PARD3B: variants seen among roughly 807,000 people sequenced by gnomAD.
PARD3B encodes partitioning defective 3 homolog B.
Under a neutral mutation model 130.2 loss-of-function variants are expected in PARD3B, and 103 were observed. The ratio of observed to expected loss-of-function variants is 0.79; its 90% CI spans 0.67 to 0.93. The LOEUF (loss-of-function observed/expected upper bound fraction) is 0.93. PARD3B is among the 40% of genes least tolerant of loss of function. The pLI is 0.00. For synonymous variants in PARD3B, 583 were observed against 553.2 expected, an observed-to-expected ratio of 1.05 and a Z score of -0.76; for missense variants, 1,609 against 1,499.2, an observed-to-expected ratio of 1.07 and a Z score of -1.21.
intron 2 of PARD3B, among the ~76,000 whole-genome samples, chr2:204,908,721 A>G (rs1424255659): frequency 6.6e-6 from 1 of 152,190 alleles, no homozygotes; most frequent in Non-Finnish European, 1.5e-5. Flanking sequence ...TCTGTGAACC[A>G]AGTGAATTAG....
intron 20 of PARD3B, among the ~76,000 whole-genome samples, chr2:205,445,260 A>G (rs75104800): frequency 0.042 from 6,348 of 152,272 alleles, 144 homozygotes; most frequent in Middle Eastern, 0.058. Flanking sequence ...ACACTATGAT[A>G]TAGACCCACA....
intron 20 of PARD3B, among the ~76,000 whole-genome samples, chr2:205,474,208 C>T (rs567432465): frequency 6.6e-6 from 1 of 151,572 alleles, no homozygotes. Context: ...TCTTAATTTT[C>T]TCTGAGTATT....
At chr2:205,468,505 A>G (rs865998673) in intron 20 of PARD3B, among the ~76,000 whole-genome samples, 4 of 152,282 alleles carry the variant, frequency 2.6e-5, no homozygotes, top group Middle Eastern at 6.8e-3. Context: ...CTTCATGACT[A>G]TTGCTGCTGT....
chr2:205,504,030 C>T (rs182727171), intron 21 of PARD3B, among the ~76,000 whole-genome samples: 73 of 152,172 alleles, frequency 4.8e-4, no homozygotes, highest in Admixed American at 1.4e-3. Flanking sequence ...ATTTTATATC[C>T]TGAGACTTTG....
chr2:204,728,678 C>T (rs1383678524), intron 2 of PARD3B, among the ~76,000 whole-genome samples: 1 of 152,140 alleles, frequency 6.6e-6, no homozygotes, highest in Non-Finnish European at 1.5e-5. Context: ...ACTGTCTTCC[C>T]TATTTTTCAA....
chr2:204,749,192 T>C (rs2040364674), intron 2 of PARD3B, among the ~76,000 whole-genome samples: 1 of 152,124 alleles, frequency 6.6e-6, no homozygotes, highest in Admixed American at 6.6e-5. Flanking sequence ...GCTATTTGAA[T>C]AAAAAATGGA....
chr2:204,988,514 T>C (rs1445493745), intron 3 of PARD3B, among the ~76,000 whole-genome samples: 1 of 152,194 alleles, frequency 6.6e-6, no homozygotes, highest in Non-Finnish European at 1.5e-5. Context: ...ACACAAAGGA[T>C]AAATACTTGA....
In PARD3B at chr2:205,372,877, G is replaced by A. The variant is rs113068797; in HGVS notation, c.2631-28136G>A. On this transcript the variant is annotated intron_variant, in intron 18 of 22. Coordinates refer to ENST00000406610, the MANE Select transcript of PARD3B (RefSeq NM_001302769.2). Reference sequence around the variant, plus strand: ...GCCTGTAAGCCCAGCTACTCGGGAGGCTGAGGTGGGAGGATCACTTGAATC... The same window carrying A: ...GCCTGTAAGCCCAGCTACTCGGGAGACTGAGGTGGGAGGATCACTTGAATC... 1.8e-3 allele frequency among the ~76,000 whole-genome samples: 281 copies of A among 152,308 alleles called. 1 individual carries two copies. Among genetic ancestry groups the A allele is most frequent in the African/African-American group, 6.4e-3 (268 of 41,556 alleles).
Position 205,288,528 on chromosome 2 carries a change from T to TA in PARD3B, c.2186-11995dup, listed in dbSNP as rs1209331981. ...CAATATCATCAAGCGTTTACTCTGG[T>TA]AAAAAAACTTCATGGCTTTCTATTG... On this transcript the variant is annotated intron_variant, in intron 16 of 22. Transcript: ENST00000406610. The surrounding 1 kb of genome is among the most constrained non-coding windows in gnomAD (Gnocchi z 4.0). 3.3e-5 allele frequency among the ~76,000 whole-genome samples: 5 copies of TA among 152,198 alleles called. No individual in the cohort carries two copies. The highest frequency in any genetic ancestry group is 3.8e-4 in the East Asian group (2 of 5,196).
At chr2:205,030,264 C>G (rs1314441480) in intron 3 of PARD3B, among the ~76,000 whole-genome samples, 2 of 152,064 alleles carry the variant, frequency 1.3e-5, no homozygotes, top group Non-Finnish European at 2.9e-5. Flanking sequence ...TCACTGTACT[C>G]TGACTGTTTG....
intron 3 of PARD3B, among the ~76,000 whole-genome samples, chr2:205,003,544 CA>C (rs1266955848): frequency 6.6e-6 from 1 of 152,148 alleles, no homozygotes. Flanking sequence ...AGCCTTTGCT[CA>C]AAAGTCGCCT....
At chr2:204,978,807 TA>T (rs1223561272) in intron 3 of PARD3B, among the ~76,000 whole-genome samples, 1 of 151,308 alleles carries the variant, frequency 6.6e-6, no homozygotes, top group Non-Finnish European at 1.5e-5. Flanking sequence ...ACTAAAAATA[TA>T]AAAATATTAG....
intron 5 of PARD3B, among the ~76,000 whole-genome samples, chr2:205,109,836 T>C (rs1187831020): frequency 2.6e-5 from 4 of 152,002 alleles, no homozygotes; most frequent in Non-Finnish European, 5.9e-5. Context: ...GTATTTTTAG[T>C]AGAGATGGTG....
chr2:204,762,116 A>ATTTTTTTTTTTTTTTTTTTT, intron 2 of PARD3B, among the ~76,000 whole-genome samples: 1 of 95,378 alleles, frequency 1.0e-5, no homozygotes, highest in Non-Finnish European at 2.1e-5. Flanking sequence ...TTCTTTTTCT[A>ATTTTTTTTTTTTTTTTTTTT]TTTTTTTTTT....
chr2:204,770,758 C>A (rs2041336379), intron 2 of PARD3B, among the ~76,000 whole-genome samples: 1 of 152,030 alleles, frequency 6.6e-6, no homozygotes, highest in South Asian at 2.1e-4. Context: ...AACCAGCTTA[C>A]ACCCCATCCT....
chr2:205,044,598 T>A (rs1457243738), intron 3 of PARD3B, among the ~76,000 whole-genome samples: 1 of 152,120 alleles, frequency 6.6e-6, no homozygotes, highest in Non-Finnish European at 1.5e-5. Context: ...GCTGCATAAA[T>A]GTCTTCTTTT....
chr2:205,532,738 G>A (rs1166394886), intron 21 of PARD3B, among the ~76,000 whole-genome samples: 2 of 152,122 alleles, frequency 1.3e-5, no homozygotes, highest in African/African-American at 2.4e-5. Context: ...CGCTAAGTTA[G>A]GATGAGTTTG....
chr2:205,502,828 A>G (rs1311297598), intron 21 of PARD3B, among the ~76,000 whole-genome samples: 1 of 152,074 alleles, frequency 6.6e-6, no homozygotes, highest in Non-Finnish European at 1.5e-5. Flanking sequence ...TATATGACTA[A>G]TACTTTTTCT....
At chr2:204,762,116 A>ATTTTTTTTTTTTT (rs968166780) in intron 2 of PARD3B, among the ~76,000 whole-genome samples, 5 of 95,376 alleles carry the variant, frequency 5.2e-5, no homozygotes, top group East Asian at 3.2e-4. Flanking sequence ...TTCTTTTTCT[A>ATTTTTTTTTTTTT]TTTTTTTTTT....
Sources: gnomAD v4.1 joint callset for allele counts (sites outside exome capture counted in the v4.1 genomes callset) on GRCh38, gnomAD v4.1.1 for gene constraint, Gnocchi (gnomAD v3.1) non-coding constraint, MANE v1.5 for transcripts, NCBI Gene and HGNC (gene_info 2026-07-23, HGNC 2026-07-21) for gene names.